The following PTPRD variants were observed in gnomAD, a reference collection of about 807,000 sequenced individuals.
PTPRD encodes the protein protein tyrosine phosphatase receptor type D.
Under a neutral mutation model 214.5 loss-of-function variants are expected in PTPRD, and 34 were observed. That is an observed-to-expected ratio of 0.16 (90% CI 0.12 to 0.21). PTPRD has a LOEUF of 0.21. Among genes scored for constraint, PTPRD ranks in the 10% least tolerant of loss-of-function variants. PTPRD has a pLI of 1.00. For synonymous variants in PTPRD, 1,128 were observed against 845.7 expected (o/e 1.33, Z -5.79); for missense variants, 2,545 against 2,398.7 (o/e 1.06, Z -1.27).
intron 2 of PTPRD, among the ~76,000 whole-genome samples, chr9:10,346,280 T>C (rs942740896): frequency 2.6e-5 from 4 of 152,308 alleles, no homozygotes; most frequent in East Asian, 1.9e-4. Context: ...ATATGTCTTA[T>C]TGACCTTGTT....
At chr9:9,810,215 T>C (rs1009978210) in intron 5 of PTPRD, among the ~76,000 whole-genome samples, 2 of 152,122 alleles carry the variant, frequency 1.3e-5, no homozygotes, top group African/African-American at 4.8e-5. Flanking sequence ...GGTTACTTTA[T>C]TGTAAGAATA....
intron 9 of PTPRD, among the ~76,000 whole-genome samples, chr9:9,322,639 T>C (rs1464972901): frequency 6.6e-6 from 1 of 152,164 alleles, no homozygotes; most frequent in Admixed American, 6.6e-5. Flanking sequence ...CTTGGATCAC[T>C]GCCCTGTTTT....
chr9:9,091,276 C>G, intron 10 of PTPRD: 1 of 1,198,128 alleles, frequency 8.3e-7, no homozygotes. Flanking sequence ...TGAAGACAGG[C>G]TATTCTCTGG....
At chr9:10,568,283 A>G (rs2066307205) in intron 2 of PTPRD, among the ~76,000 whole-genome samples, 1 of 152,094 alleles carries the variant, frequency 6.6e-6, no homozygotes, top group Admixed American at 6.6e-5. Flanking sequence ...ATGTCCCTGC[A>G]AAGGACACGA....
chr9:9,507,563 T>C (rs1352050434), intron 8 of PTPRD, among the ~76,000 whole-genome samples: 1 of 151,458 alleles, frequency 6.6e-6, no homozygotes, highest in African/African-American at 2.4e-5. Context: ...GTAAAGCTAG[T>C]ATGATGATTA....
At chr9:8,964,808 T>C (rs2099182254) in intron 11 of PTPRD, among the ~76,000 whole-genome samples, 2 of 152,174 alleles carry the variant, frequency 1.3e-5, no homozygotes. Context: ...TCATTGTTTA[T>C]CCAAAAGTCA....
intron 5 of PTPRD, among the ~76,000 whole-genome samples, chr9:9,915,611 T>G (rs2080511036): frequency 4.0e-5 from 6 of 150,458 alleles, no homozygotes; most frequent in Admixed American, 4.0e-4. Flanking sequence ...TTGAGAACTT[T>G]AACAACAGGC....
chr9:10,569,920 T>C (rs1449587190), intron 2 of PTPRD, among the ~76,000 whole-genome samples: 1 of 152,136 alleles, frequency 6.6e-6, no homozygotes, highest in Non-Finnish European at 1.5e-5. Flanking sequence ...ACTCATTAGA[T>C]ATACTCAATG....
chr9:10,522,781 A>C (rs1450452314), intron 2 of PTPRD, among the ~76,000 whole-genome samples: 8 of 152,116 alleles, frequency 5.3e-5, no homozygotes, highest in Non-Finnish European at 1.0e-4. Flanking sequence ...GAGAACCCTC[A>C]ATTTTGATGA....
chr9:9,330,450 T>C (rs752316718), intron 9 of PTPRD, among the ~76,000 whole-genome samples: 4 of 152,126 alleles, frequency 2.6e-5, no homozygotes, highest in African/African-American at 7.2e-5. Context: ...ATACATATAA[T>C]TGAAATTATG....
intron 10 of PTPRD, among the ~76,000 whole-genome samples, chr9:9,136,958 C>T (rs1288979284): frequency 6.6e-6 from 1 of 151,922 alleles, no homozygotes; most frequent in Non-Finnish European, 1.5e-5. Context: ...AACTAGATCT[C>T]CACTGGCAGT....
chr9:8,409,565 G>A (rs916992674), intron 35 of PTPRD, among the ~76,000 whole-genome samples: 4 of 152,118 alleles, frequency 2.6e-5, no homozygotes, highest in African/African-American at 9.7e-5. Flanking sequence ...TCCTGATATG[G>A]GAGTAACCTT....
intron 44 of PTPRD, among the ~76,000 whole-genome samples, chr9:8,328,938 T>TC (rs1171203325): frequency 1.3e-5 from 2 of 152,136 alleles, no homozygotes; most frequent in African/African-American, 4.8e-5. Flanking sequence ...TAACCTTTTT[T>TC]CCAGGTACTT....
At chr9:8,896,351 C>G (rs1164593940) in intron 11 of PTPRD, among the ~76,000 whole-genome samples, 1 of 152,072 alleles carries the variant, frequency 6.6e-6, no homozygotes, top group Non-Finnish European at 1.5e-5. Context: ...TAACATTAAG[C>G]TTAAAATAAT....
chr9:9,352,331 G>A (rs9408763), intron 9 of PTPRD, among the ~76,000 whole-genome samples: 26 of 137,474 alleles, frequency 1.9e-4, no homozygotes, highest in South Asian at 9.1e-4. Flanking sequence ...ATATATATGT[G>A]TGTGTGTGTG....
At chr9:10,061,764 A>C (rs1240470533) in intron 3 of PTPRD, among the ~76,000 whole-genome samples, 1 of 152,092 alleles carries the variant, frequency 6.6e-6, no homozygotes, top group Non-Finnish European at 1.5e-5. Flanking sequence ...TAGATGTTAG[A>C]ATGAACATCT....
chr9:9,828,422 G>T (rs1041146740), intron 5 of PTPRD, among the ~76,000 whole-genome samples: 1 of 152,070 alleles, frequency 6.6e-6, no homozygotes, highest in African/African-American at 2.4e-5. Context: ...AACACTGCAT[G>T]TTCTCACTCA....
intron 35 of PTPRD, among the ~76,000 whole-genome samples, chr9:8,413,405 G>C (rs778721185): frequency 6.6e-6 from 1 of 152,044 alleles, no homozygotes; most frequent in Non-Finnish European, 1.5e-5. Flanking sequence ...CATCCAAAAT[G>C]AAATAAGAAA....
chr9:10,074,705 C>T (rs1175259810), intron 3 of PTPRD, among the ~76,000 whole-genome samples: 3 of 151,912 alleles, frequency 2.0e-5, no homozygotes, highest in African/African-American at 7.2e-5. Flanking sequence ...AAAGAGTGGG[C>T]TCCTGTGAAC....
Sources: allele counts gnomAD v4.1 joint callset (sites outside exome capture counted in the v4.1 genomes callset), GRCh38; gene constraint gnomAD v4.1.1; transcripts MANE v1.5; gene names NCBI Gene and HGNC (gene_info 2026-07-23, HGNC 2026-07-21).